BMP6: variants seen among roughly 807,000 people sequenced by gnomAD.
BMP6 encodes bone morphogenetic protein 6, also known as VG-1-R.
BMP6 carries 17 observed loss-of-function variants against 54.1 expected under a neutral mutation model. The ratio of observed to expected loss-of-function variants is 0.31; its 90% CI spans 0.22 to 0.47. BMP6 has a LOEUF of 0.47. Among genes scored for constraint, BMP6 ranks in the 20% least tolerant of loss-of-function variants. The probability of loss-of-function intolerance (pLI) is 1.00; values close to 1 mark genes in which losing one functional copy is unlikely to be tolerated. For missense variants in BMP6, 720 were observed against 690.4 expected (o/e 1.04, Z -0.48); for synonymous variants, 328 against 291.2 (o/e 1.13, Z -1.28).
rs118035970 is a variant in BMP6 at position 7,874,380 on chromosome 6, T to C, written c.1205-4694T>C. ...CTTCCTCAGGGCCTTCACATTGTCA[T>C]TCCCACTCTAGGAAATTCTCTCACC... On this transcript the variant is annotated intron_variant, in intron 4 of 6. Coordinates refer to ENST00000283147, the MANE Select transcript of BMP6 (RefSeq NM_001718.6). Among the ~76,000 whole-genome samples the C allele has an allele frequency of 8.2e-3, 1,254 of 152,282 alleles. 50 individuals carry two copies. Among genetic ancestry groups the C allele is most frequent in the Admixed American group, 0.063 (961 of 15,302 alleles).
rs1410779505 is a variant in BMP6, at chr6:7,727,308, A to AGCT, written c.356_358dup (p.Leu119dup). ...CAGGAGGAGCAGCAGCAGCAGCAGC[A>AGCT]GCTGCCTCGCGGAGAGCCCCCTCCC... On this transcript the variant is annotated inframe_insertion, in exon 1 of 7. Transcript: ENST00000283147. 3.1e-6 allele frequency: 5 copies of AGCT among 1,601,994 alleles called. No individual in the cohort carries two copies. Among genetic ancestry groups the AGCT allele is most frequent in the Admixed American group, 1.7e-5 (1 of 59,034 alleles).
chr6:7,731,453 TTTC>T (rs1761856275), intron 1 of BMP6, among the ~76,000 whole-genome samples: 1 of 152,192 alleles, frequency 6.6e-6, no homozygotes, highest in African/African-American at 2.4e-5. Context: ...ATCACAAGTT[TTTC>T]TTTTTTCTTG....
At chr6:7,741,459 C>T (rs191764020) in intron 1 of BMP6, among the ~76,000 whole-genome samples, 8,737 of 146,238 alleles carry the variant, frequency 0.06, 353 homozygotes, top group Non-Finnish European at 0.093. Flanking sequence ...CCATGCCTGG[C>T]TAGTTGTTTT....
chr6:7,822,527 C>T (rs1056164080), intron 1 of BMP6, among the ~76,000 whole-genome samples: 11 of 152,190 alleles, frequency 7.2e-5, no homozygotes, highest in Non-Finnish European at 1.5e-4. Flanking sequence ...GTGGTGCCAC[C>T]TCACTGCTCT....
chr6:7,770,997 A>G (rs1757777020), intron 1 of BMP6, among the ~76,000 whole-genome samples: 1 of 152,196 alleles, frequency 6.6e-6, no homozygotes, highest in Admixed American at 6.5e-5. Context: ...ATTATTTGAG[A>G]TAATTGTCAA....
intron 1 of BMP6, among the ~76,000 whole-genome samples, chr6:7,750,652 A>G (rs562510417): frequency 2.0e-5 from 3 of 152,294 alleles, no homozygotes; most frequent in Admixed American, 1.3e-4. Context: ...CTGGAACTTG[A>G]AATTTTTTTT....
chr6:7,740,374 A>G (rs957596986), intron 1 of BMP6, among the ~76,000 whole-genome samples: 1 of 152,214 alleles, frequency 6.6e-6, no homozygotes, highest in Non-Finnish European at 1.5e-5. Flanking sequence ...TGTTTTTCAA[A>G]TTTTTTAGTT....
intron 1 of BMP6, among the ~76,000 whole-genome samples, chr6:7,769,780 T>A (rs767520882): frequency 6.6e-6 from 1 of 152,216 alleles, no homozygotes; most frequent in Non-Finnish European, 1.5e-5. Context: ...AATTTTTGAG[T>A]CCTACCGCAT....
At chr6:7,820,672 A>C (rs1758592369) in intron 1 of BMP6, among the ~76,000 whole-genome samples, 1 of 152,176 alleles carries the variant, frequency 6.6e-6, no homozygotes, top group Non-Finnish European at 1.5e-5. Flanking sequence ...GGAAGCCTGC[A>C]GCACATTTTT....
At chr6:7,872,293 T>TA (rs3837027) in intron 4 of BMP6, among the ~76,000 whole-genome samples, 44,473 of 139,698 alleles carry the variant, frequency 0.32, 7,394 homozygotes, top group East Asian at 0.64. Context: ...TCAATCTGTT[T>TA]AAAAAAAAAA....
intron 1 of BMP6, among the ~76,000 whole-genome samples, chr6:7,750,894 C>A (rs1345848953): frequency 6.6e-6 from 1 of 152,162 alleles, no homozygotes; most frequent in East Asian, 1.9e-4. Flanking sequence ...TTCTGCCCAC[C>A]TTGCTTCTTG....
intron 1 of BMP6, among the ~76,000 whole-genome samples, chr6:7,737,727 T>G (rs1402768781): frequency 6.6e-6 from 1 of 152,200 alleles, no homozygotes; most frequent in Non-Finnish European, 1.5e-5. Context: ...ACCTATAGTT[T>G]TGGAGCCTTT....
At chr6:7,756,738 G>A (rs1757520630) in intron 1 of BMP6, among the ~76,000 whole-genome samples, 1 of 152,166 alleles carries the variant, frequency 6.6e-6, no homozygotes, top group Non-Finnish European at 1.5e-5. Context: ...GCTTTGTTAT[G>A]GTGGATTCAG....
intron 4 of BMP6, among the ~76,000 whole-genome samples, chr6:7,865,627 C>T (rs768606389): frequency 6.6e-5 from 10 of 152,288 alleles, no homozygotes; most frequent in South Asian, 4.1e-4. Flanking sequence ...TCCTCTCCCT[C>T]GGGGTCTCTG....
chr6:7,798,430 G>A (rs1758222353), intron 1 of BMP6, among the ~76,000 whole-genome samples: 1 of 152,194 alleles, frequency 6.6e-6, no homozygotes, highest in African/African-American at 2.4e-5. Flanking sequence ...CTTAGAGTTG[G>A]CTCTGGGTGA....
At chr6:7,852,840 A>G (rs1759167323) in intron 2 of BMP6, among the ~76,000 whole-genome samples, 1 of 152,242 alleles carries the variant, frequency 6.6e-6, no homozygotes, top group African/African-American at 2.4e-5. Context: ...CAAGGAGGCC[A>G]GGACTTGAAG....
At position 7,836,557 on chromosome 6, in the gene BMP6, T is replaced by C. The variant is rs558282581; in HGVS notation, c.665-8583T>C. Among the ~76,000 whole-genome samples the C allele has an allele frequency of 2.6e-5, 4 of 152,308 alleles. No individual in the cohort carries two copies. In the South Asian group the frequency reaches 8.3e-4, roughly 32 times the overall value. On this transcript the variant is annotated intron_variant, in intron 1 of 6. Coordinates refer to ENST00000283147, the MANE Select transcript of BMP6 (RefSeq NM_001718.6). Reference sequence around the variant, plus strand: ...ACTTCAGTTATGTAAAATGTTACTATGGGGGGAAGCTGGGTGAAGGGTGCA... The same window carrying C: ...ACTTCAGTTATGTAAAATGTTACTACGGGGGGAAGCTGGGTGAAGGGTGCA...
chr6:7,851,325 G>T (rs267198), intron 2 of BMP6, among the ~76,000 whole-genome samples: 72,812 of 151,844 alleles, frequency 0.48, 18,242 homozygotes, highest in East Asian at 0.71. Context: ...ATTTTTATTA[G>T]ATTAATTTTA....
chr6:7,828,826 T>C (rs1409024599), intron 1 of BMP6, among the ~76,000 whole-genome samples: 1 of 152,188 alleles, frequency 6.6e-6, no homozygotes, highest in Non-Finnish European at 1.5e-5. Context: ...GGGACAGCCA[T>C]GTGCAGATGC....
Sources: gnomAD v4.1 joint callset for allele counts (sites outside exome capture counted in the v4.1 genomes callset) on GRCh38, gnomAD v4.1.1 for gene constraint, MANE v1.5 for transcripts, NCBI Gene and HGNC (gene_info 2026-07-23, HGNC 2026-07-21) for gene names.